KCNH8: variants seen among roughly 807,000 people sequenced by gnomAD.
KCNH8 encodes voltage-gated delayed rectifier potassium channel KCNH8.
KCNH8 carries 70 observed loss-of-function variants against 103.6 expected under a neutral mutation model. That is an observed-to-expected ratio of 0.68 (90% CI 0.56 to 0.82). KCNH8 has a LOEUF of 0.82. Ranked by LOEUF, KCNH8 falls within the 40% of genes least tolerant of loss-of-function variation. The pLI, the probability that KCNH8 is intolerant of heterozygous loss-of-function variation, is 0.00. For synonymous variants in KCNH8, 498 were observed against 489.4 expected (o/e 1.02, Z -0.23); for missense variants, 1,217 against 1,329.9 (o/e 0.92, Z 1.32).
At chr3:19,174,375 A>C (rs1052105256) in intron 1 of KCNH8, among the ~76,000 whole-genome samples, 3 of 152,212 alleles carry the variant, frequency 2.0e-5, no homozygotes, top group Non-Finnish European at 4.4e-5. Context: ...ATAGTATTAA[A>C]AATGTCTCCA....
intron 1 of KCNH8, among the ~76,000 whole-genome samples, chr3:19,155,808 C>T (rs2063175698): frequency 6.6e-6 from 1 of 152,190 alleles, no homozygotes; most frequent in South Asian, 2.1e-4. Flanking sequence ...CATGGCCTTG[C>T]CCATTCCTCT....
At chr3:19,304,096 C>T (rs984638371) in intron 3 of KCNH8, among the ~76,000 whole-genome samples, 2 of 152,142 alleles carry the variant, frequency 1.3e-5, no homozygotes, top group Non-Finnish European at 2.9e-5. Flanking sequence ...TCCTCTTCCT[C>T]AACTTGGCTC....
At chr3:19,314,025 A>C (rs1043442700) in intron 3 of KCNH8, among the ~76,000 whole-genome samples, 4 of 151,910 alleles carry the variant, frequency 2.6e-5, no homozygotes, top group African/African-American at 4.8e-5. Context: ...CACCCCTTTA[A>C]ACTACCTACA....
chr3:19,153,493 C>T (rs1421766064), intron 1 of KCNH8, among the ~76,000 whole-genome samples: 1 of 152,042 alleles, frequency 6.6e-6, no homozygotes, highest in South Asian at 2.1e-4. Flanking sequence ...TATTGAGGAT[C>T]CTGAGTTACT....
intron 10 of KCNH8, among the ~76,000 whole-genome samples, chr3:19,452,618 C>T (rs965111947): frequency 3.3e-5 from 5 of 152,032 alleles, no homozygotes; most frequent in Admixed American, 6.6e-5. Context: ...TTTCAAACAC[C>T]AATATAAAAC....
intron 11 of KCNH8, among the ~76,000 whole-genome samples, chr3:19,481,134 A>G (rs924388714): frequency 2.0e-5 from 3 of 152,142 alleles, no homozygotes; most frequent in Non-Finnish European, 4.4e-5. Flanking sequence ...CTAGCCCTCA[A>G]TCTTCTTTAT....
intron 1 of KCNH8, among the ~76,000 whole-genome samples, chr3:19,170,613 TAC>T (rs1553620054): frequency 1.7e-4 from 24 of 143,214 alleles, no homozygotes; most frequent in African/African-American, 5.9e-4. Flanking sequence ...TATATATGTA[TAC>T]ACACACATAT....
At chr3:19,369,304 C>A (rs1024376028) in intron 5 of KCNH8, among the ~76,000 whole-genome samples, 3 of 151,542 alleles carry the variant, frequency 2.0e-5, no homozygotes, top group Non-Finnish European at 4.4e-5. Flanking sequence ...ATACTGGTGA[C>A]CCCTCCTCTC....
intron 5 of KCNH8, among the ~76,000 whole-genome samples, chr3:19,364,645 T>C (rs1208685796): frequency 2.0e-5 from 3 of 152,018 alleles, no homozygotes; most frequent in Non-Finnish European, 4.4e-5. Flanking sequence ...GTAAGTGTCT[T>C]ATCTCAAAAA....
intron 11 of KCNH8, among the ~76,000 whole-genome samples, chr3:19,458,179 A>T (rs1226603328): frequency 1.3e-5 from 2 of 151,986 alleles, no homozygotes; most frequent in Non-Finnish European, 2.9e-5. Context: ...CAACATAGGT[A>T]TCAGAGTTTA....
At chr3:19,299,219 C>A (rs546171529) in intron 3 of KCNH8, among the ~76,000 whole-genome samples, 1 of 152,118 alleles carries the variant, frequency 6.6e-6, no homozygotes, top group Non-Finnish European at 1.5e-5. Context: ...AGTTTCTAGT[C>A]GCAATCTCAC....
intron 6 of KCNH8, among the ~76,000 whole-genome samples, chr3:19,393,450 G>A (rs1409531945): frequency 6.6e-6 from 1 of 152,012 alleles, no homozygotes; most frequent in Non-Finnish European, 1.5e-5. Flanking sequence ...TACATTCTTT[G>A]CTCAAACATC....
intron 7 of KCNH8, among the ~76,000 whole-genome samples, chr3:19,432,456 G>T (rs1285301024): frequency 1.3e-5 from 2 of 152,278 alleles, no homozygotes; most frequent in South Asian, 4.1e-4. Context: ...GAAATTTGGG[G>T]CAGATTATTA....
At chr3:19,375,187 A>G (rs1410809335) in intron 5 of KCNH8, among the ~76,000 whole-genome samples, 1 of 152,050 alleles carries the variant, frequency 6.6e-6, no homozygotes, top group Non-Finnish European at 1.5e-5. Context: ...CCTGGATAAT[A>G]TCCTGCAGGG....
chr3:19,253,775 C>T lies in KCNH8; in HGVS notation c.198C>T (p.Ser66=), dbSNP rs11923699. The T allele has an allele frequency of 7.2e-3, 11,695 of 1,613,764 alleles. 755 individuals carry two copies. In the African/African-American group the frequency reaches 0.14, roughly 19 times the overall value. Residue 66 remains serine, a synonymous_variant, in exon 2 of 16, where the codon AGC becomes AGT. Coordinates refer to ENST00000328405, the MANE Select transcript of KCNH8 (RefSeq NM_144633.3). Reference sequence around the variant, plus strand: ...CTGAAGTCATGCAGAAGAGTTGTAGCTGCAAGTTCTTATTTGGGGTTGAAA... The same window carrying T: ...CTGAAGTCATGCAGAAGAGTTGTAGTTGCAAGTTCTTATTTGGGGTTGAAA... The part of the protein sequence containing the change: ...ARTEVMQKSC[S]CKFLFGVETN...
At chr3:19,317,170 T>C (rs2065285285) in intron 3 of KCNH8, among the ~76,000 whole-genome samples, 1 of 151,902 alleles carries the variant, frequency 6.6e-6, no homozygotes, top group Admixed American at 6.6e-5. Context: ...ATGTAAGACA[T>C]TGGAGAATAC....
At chr3:19,250,641 T>C (rs145069290) in intron 1 of KCNH8, among the ~76,000 whole-genome samples, 39 of 152,350 alleles carry the variant, frequency 2.6e-4, no homozygotes, top group East Asian at 1.2e-3. Flanking sequence ...CTAGGACTTA[T>C]GATAGACCAT....
rs530958433 is a variant in KCNH8, at chr3:19,402,094, C to T, written c.1177+6783C>T. The stretch of plus-strand genomic sequence containing the variant: ...AAATGTAGCACACTGCATCCCTGTT[C>T]GTAAAGACTGAGAAGGTATATTAGC... On this transcript the variant is annotated intron_variant, in intron 7 of 15. Transcript: ENST00000328405. 3.3e-5 allele frequency among the ~76,000 whole-genome samples: 5 copies of T among 151,792 alleles called. No homozygotes were observed. The South Asian group carries it at 1.0e-3, about 32-fold the overall frequency.
Position 19,281,312 on chromosome 3 carries a change from C to A in KCNH8, c.425C>A (p.Pro142Gln). Residue 142 changes from proline (P) to glutamine (Q), a missense_variant, in exon 3 of 16, where the codon CCA becomes CAA. Physicochemically the swap from Pro to Gln is moderately conservative, Grantham distance 76. Around this residue, in one of 3 missense-constraint regions of KCNH8, gnomAD observed 244 missense variants for 256.8 expected, o/e 0.95. Coordinates refer to ENST00000328405, the MANE Select transcript of KCNH8 (RefSeq NM_144633.3). ...DITDTKVKIT[P>Q]EDKKEDKVKG... ...ACAGATACAAAAGTGAAGATTACTC[C>A]AGAAGATAAAAAAGAAGGTTTGTAC... 1 of 1,602,718 alleles carries A rather than the reference C, an allele frequency of 6.2e-7. No individual in the cohort carries two copies. Among genetic ancestry groups the A allele is most frequent in the South Asian group, 1.1e-5 (1 of 88,302 alleles).
Sources: gnomAD v4.1 joint callset for allele counts (sites outside exome capture counted in the v4.1 genomes callset) on GRCh38, gnomAD v4.1.1 for gene constraint, gnomAD v4.1.1 regional missense constraint, MANE v1.5 for transcripts, NCBI Gene and HGNC (gene_info 2026-07-23, HGNC 2026-07-21) for gene names.